Variants in FHIP1A observed in about 807,000 individuals in gnomAD.
FHIP1A encodes the protein FHF complex subunit HOOK-interacting protein 1A.
In FHIP1A, 61 loss-of-function variants were observed where a neutral mutation model predicts 88.6. That is an observed-to-expected ratio of 0.69 (90% CI 0.56 to 0.85). FHIP1A has a LOEUF of 0.85. Among genes scored for constraint, FHIP1A ranks in the 40% least tolerant of loss-of-function variants. FHIP1A has a pLI of 0.00. For missense variants in FHIP1A, 1,154 were observed against 1,273.5 expected (o/e 0.91, Z 1.43); for synonymous variants, 478 against 496.0 (o/e 0.96, Z 0.48).
chr4:151,646,374 G>T (rs1258552767), intron 9 of FHIP1A, among the ~76,000 whole-genome samples, 184 bp from the exon 10 acceptor site: 1 of 152,220 alleles, frequency 6.6e-6, no homozygotes, highest in Non-Finnish European at 1.5e-5. Context: ...TTGCAAAGAG[G>T]TTGTTCTTTC....
chr4:151,417,467 A>G (rs184932923), intron 1 of FHIP1A, among the ~76,000 whole-genome samples: 3 of 152,336 alleles, frequency 2.0e-5, no homozygotes, highest in East Asian at 1.9e-4. Flanking sequence ...ATGCAAAGGA[A>G]GACTTGGCTT....
chr4:151,428,860 C>T (rs1733486321), intron 1 of FHIP1A, among the ~76,000 whole-genome samples: 2 of 152,198 alleles, frequency 1.3e-5, no homozygotes, highest in South Asian at 4.1e-4. Flanking sequence ...CTTTATACAT[C>T]TCCACCTCAG....
At chr4:151,425,098 G>A (rs1733312116) in intron 1 of FHIP1A, among the ~76,000 whole-genome samples, 2 of 152,144 alleles carry the variant, frequency 1.3e-5, no homozygotes, top group African/African-American at 2.4e-5. Context: ...GATGTTACAT[G>A]CCTCTTAATT....
chr4:151,545,472 G>T (rs1245250390), intron 3 of FHIP1A, among the ~76,000 whole-genome samples: 1 of 147,496 alleles, frequency 6.8e-6, no homozygotes, highest in African/African-American at 2.5e-5. Context: ...CTGCCTCCCG[G>T]GTTCAAGCAA....
intron 1 of FHIP1A, among the ~76,000 whole-genome samples, chr4:151,451,995 T>G (rs1174968706): frequency 6.6e-6 from 1 of 152,028 alleles, no homozygotes; most frequent in African/African-American, 2.4e-5. Flanking sequence ...ATTTTTAAAA[T>G]TTTTTTGTAG....
rs368574549 is a variant in FHIP1A at position 151,653,356 on chromosome 4, G to GTCTC, written c.2551+2783_2551+2786dup. Among the ~76,000 whole-genome samples, 60 of 148,850 alleles carry GTCTC rather than the reference G, an allele frequency of 4.0e-4. No homozygotes were observed. In the South Asian group the frequency reaches 0.012, roughly 29 times the overall value. ...AAATACTAGGTCTCTCTGTGTGTGT[G>GTCTC]TCTCTCTCTCTCTCTCTCTCTCCCC... On this transcript the variant is annotated intron_variant, in intron 11 of 13. Transcript: ENST00000435205.
rs546988495 is a variant in FHIP1A, at chr4:151,481,523, C to G, written c.-247-1001C>G. Among the ~76,000 whole-genome samples the G allele has an allele frequency of 1.1e-3, 161 of 151,530 alleles. 1 individual carries two copies. The highest frequency in any genetic ancestry group is 1.7e-3 in the Admixed American group (26 of 15,156). ...TGTTTATTTTTTATTTTTTTAGAAC[C>G]CTAAGAGAGGCTTCTTGCACCTACG... On this transcript the variant is annotated intron_variant, in intron 2 of 13. Transcript: ENST00000435205.
At chr4:151,657,540 T>G (rs934351723) in intron 13 of FHIP1A, among the ~76,000 whole-genome samples, 7 of 152,150 alleles carry the variant, frequency 4.6e-5, no homozygotes, top group Non-Finnish European at 8.8e-5. Context: ...TGGCCAGGCC[T>G]GGGAGCACCA....
rs1211005167 is a variant in FHIP1A, at chr4:151,603,736, C to G, written c.978+14810C>G. Among the ~76,000 whole-genome samples, 4 of 152,188 alleles carry G rather than the reference C, an allele frequency of 2.6e-5. No homozygotes were observed. The East Asian group carries it at 7.7e-4, about 29-fold the overall frequency. On this transcript the variant is annotated intron_variant, in intron 7 of 13. Coordinates refer to ENST00000435205, the MANE Select transcript of FHIP1A (RefSeq NM_001109977.3). ...GAATAATATCACTTTTCCCACTTAC[C>G]TGGCATAGAACTCTTAATCATCCTT...
intron 1 of FHIP1A, among the ~76,000 whole-genome samples, chr4:151,448,404 A>G (rs895015874): frequency 6.6e-6 from 1 of 152,154 alleles, no homozygotes; most frequent in African/African-American, 2.4e-5. Context: ...ACCACCATCC[A>G]TCTCCAGAAG....
rs1164658818 is a variant in FHIP1A at position 151,669,101 on chromosome 4, G to C, written c.*6347G>C. ...TCACTGAGGCCCCTTTATAAGCAGA[G>C]CCATCTTTGCGAATTTCTTGGGGTG... On this transcript the variant is annotated 3_prime_UTR_variant, in exon 14 of 14. Coordinates refer to ENST00000435205, the MANE Select transcript of FHIP1A (RefSeq NM_001109977.3). 6.6e-6 allele frequency among the ~76,000 whole-genome samples: 1 copy of C among 152,224 alleles called. No individual in the cohort carries two copies.
intron 7 of FHIP1A, among the ~76,000 whole-genome samples, chr4:151,600,804 C>T (rs1260253660): frequency 2.0e-5 from 3 of 152,152 alleles, no homozygotes; most frequent in African/African-American, 7.2e-5. Context: ...AATTGGATTC[C>T]TGTACTGATT....
chr4:151,515,628 C>G (rs1238096105), intron 3 of FHIP1A, among the ~76,000 whole-genome samples: 1 of 151,856 alleles, frequency 6.6e-6, no homozygotes, highest in Non-Finnish European at 1.5e-5. Flanking sequence ...AATCAATGTA[C>G]AAAAATCACA....
intron 7 of FHIP1A, among the ~76,000 whole-genome samples, chr4:151,612,519 T>A (rs1735362682): frequency 6.6e-6 from 1 of 152,218 alleles, no homozygotes. Flanking sequence ...TAGCTGAGAT[T>A]ACAAGTGTGC....
intron 3 of FHIP1A, among the ~76,000 whole-genome samples, chr4:151,516,045 A>G (rs1200711480): frequency 4.6e-5 from 7 of 152,212 alleles, no homozygotes; most frequent in Admixed American, 2.0e-4. Context: ...ACCTGACTTC[A>G]AACTATACTA....
At chr4:151,628,685 G>A (rs1317037835) in intron 7 of FHIP1A, among the ~76,000 whole-genome samples, 1 of 152,176 alleles carries the variant, frequency 6.6e-6, no homozygotes, top group East Asian at 1.9e-4. Context: ...TTGACTCATG[G>A]TGGAGGGATT....
At chr4:151,496,329 T>G (rs1333477662) in intron 3 of FHIP1A, among the ~76,000 whole-genome samples, 1 of 151,970 alleles carries the variant, frequency 6.6e-6, no homozygotes, top group Non-Finnish European at 1.5e-5. Flanking sequence ...GCTTAAAAGC[T>G]TAAATACTCA....
At chr4:151,555,172 T>G (rs1410273931) in intron 3 of FHIP1A, among the ~76,000 whole-genome samples, 1 of 152,152 alleles carries the variant, frequency 6.6e-6, no homozygotes, top group Non-Finnish European at 1.5e-5. Context: ...CCTCTGATCT[T>G]TTATTCTGTA....
At chr4:151,457,314 G>A (rs1193970966) in intron 2 of FHIP1A, among the ~76,000 whole-genome samples, 1 of 152,212 alleles carries the variant, frequency 6.6e-6, no homozygotes, top group Non-Finnish European at 1.5e-5. Flanking sequence ...GCTATTAGGT[G>A]AATTTAAGCC....
Sources: gnomAD v4.1 joint callset for allele counts (sites outside exome capture counted in the v4.1 genomes callset) on GRCh38, gnomAD v4.1.1 for gene constraint, MANE v1.5 for transcripts, NCBI Gene and HGNC (gene_info 2026-07-23, HGNC 2026-07-21) for gene names.